Variants in TMEM154 observed in about 807,000 individuals in gnomAD.
TMEM154 encodes transmembrane protein 154.
Under a neutral mutation model 24.5 loss-of-function variants are expected in TMEM154, and 27 were observed. The observed-to-expected ratio is 1.10, with a 90% CI of 0.81 to 1.52. The LOEUF is 1.52. Ranked by LOEUF, TMEM154 falls within the 40% of genes most tolerant of loss-of-function variation. The probability of loss-of-function intolerance (pLI) is 0.00; values close to 1 mark genes in which losing one functional copy is unlikely to be tolerated. For synonymous variants in TMEM154, 67 were observed against 76.8 expected, an observed-to-expected ratio of 0.87 and a Z score of 0.67; for missense variants, 228 against 213.4, an observed-to-expected ratio of 1.07 and a Z score of -0.43.
intron 1 of TMEM154, among the ~76,000 whole-genome samples, chr4:152,671,164 G>A (rs1001064018): frequency 6.6e-6 from 1 of 151,800 alleles, no homozygotes; most frequent in Non-Finnish European, 1.5e-5. Flanking sequence ...CATACAGAAA[G>A]ACTCAGTGGC....
intron 6 of TMEM154, among the ~76,000 whole-genome samples, chr4:152,633,156 A>G (rs1224723796): frequency 6.6e-6 from 1 of 152,068 alleles, no homozygotes; most frequent in East Asian, 1.9e-4. Context: ...CTGTCCATCA[A>G]CAAGAACTTG....
intron 5 of TMEM154, among the ~76,000 whole-genome samples, chr4:152,641,953 C>T (rs1376040394): frequency 4.8e-5 from 5 of 104,060 alleles, no homozygotes; most frequent in African/African-American, 1.2e-4. Flanking sequence ...GATGGAGTCT[C>T]GCTCTGTCAC....
intron 1 of TMEM154, among the ~76,000 whole-genome samples, chr4:152,672,072 A>C (rs1728852027): frequency 6.9e-6 from 1 of 144,918 alleles, no homozygotes; most frequent in Non-Finnish European, 1.5e-5. Context: ...TGAGCAACAT[A>C]CAGAGACCCT....
chr4:152,637,377 T>C (rs4428262), intron 6 of TMEM154, among the ~76,000 whole-genome samples: 18,283 of 151,896 alleles, frequency 0.12, 1,592 homozygotes, highest in African/African-American at 0.24. Flanking sequence ...GAAACCCCAT[T>C]TCTATTAAAA....
At chr4:152,654,102 C>G (rs1339346727) in intron 1 of TMEM154, among the ~76,000 whole-genome samples, 2 of 152,046 alleles carry the variant, frequency 1.3e-5, no homozygotes, top group Non-Finnish European at 2.9e-5. Context: ...GAAAGGACTA[C>G]TGACTTGATG....
Position 152,625,060 on chromosome 4 carries a change from C to G in TMEM154, c.*3486G>C, listed in dbSNP as rs1751894626. 2 of 152,184 alleles carry G rather than the reference C, an allele frequency of 1.3e-5. No homozygotes were observed. The highest frequency in any genetic ancestry group is 3.8e-4 in the East Asian group (2 of 5,204). 9.4% of individuals were successfully genotyped at this position (152,184 alleles called of 1,614,324 possible). On this transcript the variant is annotated 3_prime_UTR_variant, in exon 7 of 7. Coordinates refer to ENST00000304385, the MANE Select transcript of TMEM154 (RefSeq NM_152680.3). ...GTACTAATTCTGACAGAAGCTGAAA[C>G]TAAAGCCTATGTTTTCTTTAGTCAA...
chr4:152,677,836 C>G (rs567130197), intron 1 of TMEM154, among the ~76,000 whole-genome samples: 1 of 152,238 alleles, frequency 6.6e-6, no homozygotes, highest in East Asian at 1.9e-4. Flanking sequence ...ATTATTTTCT[C>G]ATTTATGCTG....
intron 1 of TMEM154, among the ~76,000 whole-genome samples, chr4:152,678,555 G>A (rs112626444): frequency 6.7e-6 from 1 of 149,808 alleles, no homozygotes; most frequent in Non-Finnish European, 1.5e-5. Context: ...CAGTGGTGGT[G>A]GGGGGTGGAG....
intron 3 of TMEM154, among the ~76,000 whole-genome samples, chr4:152,648,971 G>A (rs932066790): frequency 5.3e-5 from 8 of 152,202 alleles, no homozygotes; most frequent in African/African-American, 1.9e-4. Flanking sequence ...AGGAAGTCCT[G>A]AAATTTCAAG....
chr4:152,679,400 G>A (rs1414982135), intron 1 of TMEM154, among the ~76,000 whole-genome samples: 4 of 148,202 alleles, frequency 2.7e-5, no homozygotes, highest in African/African-American at 7.5e-5. Context: ...AGTTTATGTC[G>A]TTTCTTTAGT....
In TMEM154 at chr4:152,645,114, G is replaced by A. The variant is rs536322031; in HGVS notation, c.365-672C>T. ...GCCACAATTTCTCATTGGTCAACCCGTCTGTTTGATTTTTTTTTTTCTGTC... is the reference window on the plus strand; with the variant it reads ...GCCACAATTTCTCATTGGTCAACCCATCTGTTTGATTTTTTTTTTTCTGTC... On this transcript the variant is annotated intron_variant, in intron 3 of 6. Transcript: ENST00000304385. Among the ~76,000 whole-genome samples, 12 of 43,732 alleles carry A rather than the reference G, an allele frequency of 2.7e-4. No individual in the cohort carries two copies. In the South Asian group the frequency reaches 3.7e-3, roughly 14 times the overall value. The allele number at this position is 43,732 out of a possible 152,430, so 28.7% of individuals were successfully genotyped here.
chr4:152,646,526 T>G (rs1454003598), intron 3 of TMEM154: 1 of 165,506 alleles, frequency 6.0e-6, no homozygotes, highest in African/African-American at 2.4e-5. Flanking sequence ...CCACTCCACC[T>G]GGCCTATATA....
At chr4:152,659,907 T>C (rs973340188) in intron 1 of TMEM154, among the ~76,000 whole-genome samples, 5 of 152,162 alleles carry the variant, frequency 3.3e-5, no homozygotes, top group Admixed American at 2.6e-4. Context: ...AACAATATAC[T>C]ATAATAAAAG....
intron 1 of TMEM154, among the ~76,000 whole-genome samples, chr4:152,655,040 A>T (rs1393909119): frequency 6.6e-6 from 1 of 152,178 alleles, no homozygotes; most frequent in Non-Finnish European, 1.5e-5. Context: ...GAAAAAAAAA[A>T]CTACCAATGT....
At chr4:152,662,275 CA>C (rs1194020031) in intron 1 of TMEM154, among the ~76,000 whole-genome samples, 1 of 152,038 alleles carries the variant, frequency 6.6e-6, no homozygotes, top group African/African-American at 2.4e-5. Context: ...TTCTCTAAGA[CA>C]ACCCTAGTAC....
chr4:152,644,411 T>C lies in TMEM154; in HGVS notation c.392+4A>G. On this transcript the variant is annotated splice_donor_region_variant and intron_variant, in intron 4 of 6. Transcript: ENST00000304385. The stretch of plus-strand genomic sequence containing the variant: ...GTGGATCAGAAGCAGCAGGGAAAAC[T>C]TACACTTTCACGTTTTCACTTCCCA... 2 of 1,614,106 alleles carry C rather than the reference T, an allele frequency of 1.2e-6. No homozygotes were observed. The highest frequency in any genetic ancestry group is 1.1e-5 in the South Asian group (1 of 91,084).
chr4:152,659,769 G>C (rs894176863), intron 1 of TMEM154, among the ~76,000 whole-genome samples: 62 of 152,272 alleles, frequency 4.1e-4, no homozygotes, highest in African/African-American at 1.3e-3. Context: ...CCTAGAAGAT[G>C]CCTGAAATTA....
In TMEM154 at chr4:152,634,031, CAAAAAAAAAAAAAAA is replaced by C. The variant is rs1167923301; in HGVS notation, c.537-5485_537-5471del. Among the ~76,000 whole-genome samples the C allele has an allele frequency of 1.5e-4, 3 of 20,412 alleles. No homozygotes were observed. The Admixed American group carries it at 1.9e-3, about 13-fold the overall frequency. 13.4% of individuals were successfully genotyped at this position (20,412 alleles called of 152,430 possible). On this transcript the variant is annotated intron_variant, in intron 6 of 6. Transcript: ENST00000304385. Reference sequence around the variant, plus strand: ...TGGGCAAGAGAGTGAGACCCCATCTCAAAAAAAAAAAAAAAAAAAAAAAAAAGAAAGTGGAACACC... The same window carrying C: ...TGGGCAAGAGAGTGAGACCCCATCTCAAAAAAAAAAAGAAAGTGGAACACC...
intron 6 of TMEM154, among the ~76,000 whole-genome samples, chr4:152,632,958 C>T (rs1299267686): frequency 6.6e-6 from 1 of 152,184 alleles, no homozygotes; most frequent in Non-Finnish European, 1.5e-5. Context: ...TACTCCAGGC[C>T]TGACACACAG....
Sources: allele counts gnomAD v4.1 joint callset (sites outside exome capture counted in the v4.1 genomes callset), GRCh38; gene constraint gnomAD v4.1.1; transcripts MANE v1.5; gene names NCBI Gene and HGNC (gene_info 2026-07-23, HGNC 2026-07-21).